Variants in CASD1 observed in about 807,000 individuals in gnomAD.
CASD1 encodes the protein CAS1 domain sialic acid O acetyltransferase 1.
In CASD1, 41 loss-of-function variants were observed where a neutral mutation model predicts 100.0. That is an observed-to-expected ratio of 0.41 (90% CI 0.32 to 0.53). The LOEUF (loss-of-function observed/expected upper bound fraction) is 0.53. Ranked by LOEUF, CASD1 falls within the 20% of genes least tolerant of loss-of-function variation. CASD1 has a pLI of 0.25. For synonymous variants in CASD1, 321 were observed against 315.6 expected (o/e 1.02, Z -0.18); for missense variants, 774 against 948.7 (o/e 0.82, Z 2.42).
intron 16 of CASD1, among the ~76,000 whole-genome samples, chr7:94,552,798 G>C (rs980435806): frequency 6.6e-6 from 1 of 152,014 alleles, no homozygotes; most frequent in African/African-American, 2.4e-5. Context: ...TTAGCTGGGC[G>C]TGGTGGCGGG....
the CASD1 span, among the ~76,000 whole-genome samples, chr7:94,562,179 TAAG>T: frequency 2.6e-5 from 4 of 152,330 alleles, no homozygotes; most frequent in East Asian, 5.8e-4. Context: ...TGTTTGCCGA[TAAG>T]AAGCAAGAGC....
intron 10 of CASD1, among the ~76,000 whole-genome samples, chr7:94,542,483 A>T (rs927334368): frequency 6.6e-6 from 1 of 152,238 alleles, no homozygotes; most frequent in East Asian, 1.9e-4. Flanking sequence ...TAAATAAAAT[A>T]TATTTATTGA....
the CASD1 span, among the ~76,000 whole-genome samples, chr7:94,593,411 A>G: frequency 2.0e-5 from 3 of 152,014 alleles, no homozygotes; most frequent in African/African-American, 4.8e-5. Context: ...AAAAAAATCA[A>G]TTGGTATTGA....
At chr7:94,588,235 C>T in the CASD1 span, 43 of 1,044,066 alleles carry the variant, frequency 4.1e-5, no homozygotes, top group African/African-American at 2.4e-4. Flanking sequence ...CTTTTTAAAG[C>T]GGCTTTAAAA....
intron 15 of CASD1, 55 bp from the exon 16 acceptor site, chr7:94,552,295 T>C: frequency 1.7e-6 from 2 of 1,174,934 alleles, no homozygotes; most frequent in Non-Finnish European, 2.5e-6. Context: ...ACTGTGAGGC[T>C]TATGCCTCTT....
At chr7:94,612,705 T>C in the CASD1 span, among the ~76,000 whole-genome samples, 2 of 152,172 alleles carry the variant, frequency 1.3e-5, no homozygotes, top group Admixed American at 1.3e-4. Flanking sequence ...CAAACTACTT[T>C]CATCTCTACT....
chr7:94,558,683 G>C (rs34540605), downstream of CASD1, among the ~76,000 whole-genome samples: 33,139 of 151,946 alleles, frequency 0.22, 4,454 homozygotes, highest in South Asian at 0.37. Flanking sequence ...GTGTATTCTG[G>C]CTCATTTTCT....
intron 1 of CASD1, among the ~76,000 whole-genome samples, chr7:94,512,485 A>T (rs1793762341): frequency 1.3e-5 from 2 of 152,202 alleles, no homozygotes; most frequent in Admixed American, 6.5e-5. Context: ...GTTTGGATAT[A>T]CATATTCAGT....
At chr7:94,632,041 G>A in the CASD1 span, among the ~76,000 whole-genome samples, 2 of 151,798 alleles carry the variant, frequency 1.3e-5, no homozygotes, top group Non-Finnish European at 2.9e-5. Flanking sequence ...TACAAAGTAC[G>A]GCAGAGGTAA....
chr7:94,535,588 C>T, intron 8 of CASD1, 65 bp downstream of exon 8: 1 of 1,110,444 alleles, frequency 9.0e-7, no homozygotes, highest in Non-Finnish European at 1.3e-6. Flanking sequence ...AGCCATAAGT[C>T]ATTATAACAT....
intron 5 of CASD1, among the ~76,000 whole-genome samples, chr7:94,529,518 T>G (rs1584396997): frequency 6.6e-6 from 1 of 152,174 alleles, no homozygotes; most frequent in East Asian, 1.9e-4. Flanking sequence ...GTTGATGGTT[T>G]TCATTCACTC....
chr7:94,631,042 T>A, the CASD1 span, among the ~76,000 whole-genome samples: 17 of 151,978 alleles, frequency 1.1e-4, no homozygotes, highest in African/African-American at 4.1e-4. Flanking sequence ...ATCTACAGAT[T>A]TACTACTAAA....
chr7:94,612,651 G>T, the CASD1 span, among the ~76,000 whole-genome samples: 1 of 152,110 alleles, frequency 6.6e-6, no homozygotes. Context: ...CTAAAAGAGA[G>T]GTCTAGAAGT....
the CASD1 span, chr7:94,625,101 G>A: frequency 2.0e-5 from 3 of 151,818 alleles, no homozygotes; most frequent in African/African-American, 7.3e-5. Context: ...GAGTGTCTAC[G>A]TGTGCATACT....
At chr7:94,522,442 T>C (rs1025291897) in intron 3 of CASD1, among the ~76,000 whole-genome samples, 2 of 152,142 alleles carry the variant, frequency 1.3e-5, no homozygotes, top group African/African-American at 2.4e-5. Flanking sequence ...AGCAAAAATA[T>C]AACTACAAGG....
intron 8 of CASD1, among the ~76,000 whole-genome samples, chr7:94,536,676 G>T (rs577622106): frequency 1.3e-5 from 2 of 149,334 alleles, no homozygotes; most frequent in African/African-American, 2.4e-5. Context: ...AAAAGGATGA[G>T]ATTTTCTCAA....
intron 17 of CASD1, among the ~76,000 whole-genome samples, chr7:94,555,235 A>G (rs1796146669): frequency 6.6e-6 from 1 of 152,110 alleles, no homozygotes; most frequent in African/African-American, 2.4e-5. Context: ...AATAGGGAAA[A>G]TAAATTCCTC....
In CASD1 at chr7:94,550,781, A is replaced by T. The variant is rs1795907593; in HGVS notation, c.1816-557A>T. ...AACTGTCACACTGGGGATTAACATG[A>T]TTCAACTTACGATTTTGAGTGGAAG... On this transcript the variant is annotated intron_variant, in intron 14 of 17. Transcript: ENST00000297273. Among the ~76,000 whole-genome samples, 3 of 152,090 alleles carry T rather than the reference A, an allele frequency of 2.0e-5. No individual in the cohort carries two copies. In the South Asian group the frequency reaches 6.2e-4, roughly 32 times the overall value.
At chr7:94,596,670 A>G in the CASD1 span, among the ~76,000 whole-genome samples, 1 of 152,126 alleles carries the variant, frequency 6.6e-6, no homozygotes, top group Non-Finnish European at 1.5e-5. Flanking sequence ...CCTTGTACTT[A>G]TTAATTAACC....
Sources: allele counts gnomAD v4.1 joint callset (sites outside exome capture counted in the v4.1 genomes callset), GRCh38; gene constraint gnomAD v4.1.1; transcripts MANE v1.5; gene names NCBI Gene and HGNC (gene_info 2026-07-23, HGNC 2026-07-21).